Variants in VEZT observed in about 807,000 individuals in gnomAD.
VEZT encodes the protein vezatin.
VEZT carries 39 observed loss-of-function variants against 79.9 expected under a neutral mutation model. The ratio of observed to expected loss-of-function variants is 0.49; its 90% CI spans 0.38 to 0.64. The LOEUF (loss-of-function observed/expected upper bound fraction) is 0.64. Among genes scored for constraint, VEZT ranks in the 30% least tolerant of loss-of-function variants. The pLI is 0.00. For missense variants in VEZT, 837 were observed against 893.1 expected, an observed-to-expected ratio of 0.94 and a Z score of 0.80; for synonymous variants, 325 against 327.6, an observed-to-expected ratio of 0.99 and a Z score of 0.09.
intron 6 of VEZT, among the ~76,000 whole-genome samples, chr12:95,272,985 G>A (rs2066928081): frequency 6.6e-6 from 1 of 152,080 alleles, no homozygotes; most frequent in East Asian, 1.9e-4. Flanking sequence ...TGGGCTCAAG[G>A]GATCCCACAT....
At chr12:95,244,773 G>GGT (rs1232083763) in intron 1 of VEZT, among the ~76,000 whole-genome samples, 1 of 137,870 alleles carries the variant, frequency 7.3e-6, no homozygotes, top group Admixed American at 7.0e-5. Flanking sequence ...AATTTTTTTT[G>GGT]GTGTGTTTTT....
rs577217710 is a variant in VEZT, at chr12:95,300,012, A to G, written c.1832-153A>G. The G allele has an allele frequency of 3.2e-5, 15 of 468,076 alleles. 1 individual carries two copies. The South Asian group carries it at 8.6e-4, about 27-fold the overall frequency. 29.0% of individuals were successfully genotyped at this position (468,076 alleles called of 1,614,324 possible). On this transcript the variant is annotated intron_variant, in intron 11 of 11. Transcript: ENST00000436874. ...CTCTCTTATAAAGTTTCCTGGATTT[A>G]TAAATTTTCATTGATTTTACTAGAA...
intron 1 of VEZT, among the ~76,000 whole-genome samples, chr12:95,239,844 C>T (rs945910962): frequency 2.0e-5 from 3 of 151,848 alleles, no homozygotes; most frequent in Admixed American, 1.3e-4. Context: ...CCCAGCTACT[C>T]GGGAAGCTGA....
chr12:95,218,304 C>G (rs1565941770), intron 1 of VEZT: 1 of 155,512 alleles, frequency 6.4e-6, no homozygotes, highest in African/African-American at 2.4e-5. Context: ...CTTCAGGTCA[C>G]TGTTCACCGT....
At chr12:95,295,243 C>T (rs1287616127) in intron 10 of VEZT, among the ~76,000 whole-genome samples, 1 of 152,180 alleles carries the variant, frequency 6.6e-6, no homozygotes, top group Non-Finnish European at 1.5e-5. Flanking sequence ...TCACTGCAAC[C>T]TCTGTTGCCC....
At chr12:95,279,025 G>A (rs1317414973) in intron 7 of VEZT, among the ~76,000 whole-genome samples, 6 of 152,232 alleles carry the variant, frequency 3.9e-5, no homozygotes, top group Admixed American at 6.5e-5. Flanking sequence ...AGCCAAGATC[G>A]TGCCATTGCA....
chr12:95,268,755 C>T (rs1405151179), intron 5 of VEZT, among the ~76,000 whole-genome samples: 1 of 152,136 alleles, frequency 6.6e-6, no homozygotes, highest in East Asian at 1.9e-4. Context: ...ATTGTGCTTC[C>T]TTTGTCTCTA....
Position 95,270,188 on chromosome 12 carries a change from A to T in VEZT, c.848A>T (p.Asn283Ile). The T allele has an allele frequency of 1.3e-6, 2 of 1,597,610 alleles. No homozygotes were observed. Among genetic ancestry groups the T allele is most frequent in the Non-Finnish European group, 1.7e-6 (2 of 1,172,716 alleles). Residue 283 changes from asparagine (N) to isoleucine (I), a missense_variant and splice_region_variant, in exon 6 of 12, where the codon AAC becomes ATC. By Grantham distance (149) the Asn-to-Ile change is moderately radical (BLOSUM62 -3). Transcript: ENST00000436874. ...CTAGCTACCCTATATATGCTGAAAA[A>T]ATATCCTTTTCTGTTTATATATGAA... Reference protein sequence around the residue: ...ARLATLYMLKNYPLNSESDNV... With the variant: ...ARLATLYMLKIYPLNSESDNV...
intron 1 of VEZT, among the ~76,000 whole-genome samples, chr12:95,232,217 A>G (rs532317260): frequency 7.2e-5 from 11 of 152,354 alleles, no homozygotes; most frequent in Admixed American, 3.3e-4. Context: ...TTTCAGGCAG[A>G]TATTTTCCCA....
At chr12:95,265,537 G>A (rs867800280) in intron 4 of VEZT, among the ~76,000 whole-genome samples, 2 of 150,226 alleles carry the variant, frequency 1.3e-5, no homozygotes, top group African/African-American at 2.5e-5. Flanking sequence ...CTATAAAATC[G>A]GATTTTAAAA....
chr12:95,299,002 A>C (rs940172958), intron 11 of VEZT: 3 of 154,768 alleles, frequency 1.9e-5, no homozygotes, highest in Non-Finnish European at 4.4e-5. Context: ...TTAGTTTGTG[A>C]AAATAAGTAA....
At chr12:95,257,461 C>T (rs188394640) in intron 3 of VEZT, among the ~76,000 whole-genome samples, 2 of 152,252 alleles carry the variant, frequency 1.3e-5, no homozygotes, top group East Asian at 1.9e-4. Flanking sequence ...GTTATTGAAA[C>T]GTTATTTGTT....
intron 1 of VEZT, chr12:95,244,082 C>CTTT: frequency 3.7e-6 from 1 of 272,292 alleles, no homozygotes; most frequent in Non-Finnish European, 7.4e-6. Flanking sequence ...ACTAAAAACT[C>CTTT]TTTTTTTTTT....
chr12:95,270,974 A>G (rs565875272), intron 6 of VEZT, among the ~76,000 whole-genome samples: 11 of 152,338 alleles, frequency 7.2e-5, no homozygotes, highest in African/African-American at 2.4e-4. Flanking sequence ...TGTAGCACTG[A>G]TAAATATAAT....
chr12:95,255,326 C>G (rs2063295940), intron 2 of VEZT, among the ~76,000 whole-genome samples: 1 of 152,214 alleles, frequency 6.6e-6, no homozygotes, highest in South Asian at 2.1e-4. Context: ...TCAAGTGATA[C>G]ATCAAGTCAG....
Position 95,282,488 on chromosome 12 carries a change from A to T in VEZT, c.1172A>T (p.Glu391Val). 1 of 1,613,976 alleles carries T rather than the reference A, an allele frequency of 6.2e-7. No individual in the cohort carries two copies. Among genetic ancestry groups the T allele is most frequent in the Non-Finnish European group, 8.5e-7 (1 of 1,179,880 alleles). The change falls in exon 8 of 12, where the codon GAG (glutamate) becomes GTG (valine). Residue 391 changes from glutamate to valine, a missense_variant. Physicochemically the swap from Glu to Val is moderately radical, Grantham distance 121. Coordinates refer to ENST00000436874, the MANE Select transcript of VEZT (RefSeq NM_017599.4). ...LPHAHSACLE[E>V]LKRSYEFYRY... The stretch of plus-strand genomic sequence containing the variant: ...CATGCTCATTCTGCCTGTTTGGAAG[A>T]GCTTAAGCGCAGCTATGAGTTCTAT...
intron 7 of VEZT, 44 bp downstream of exon 7, chr12:95,274,933 C>T: frequency 6.3e-7 from 1 of 1,595,062 alleles, no homozygotes; most frequent in Non-Finnish European, 8.5e-7. Context: ...AAAATAGATG[C>T]ACTTGGATTG....
rs184144136 is a variant in VEZT, at chr12:95,231,164, C to G, written c.36+13278C>G. ...AGCGGAAAATATTAGAAGCCTGCAG[C>G]CAGACAAACTTCTTAATATATGTGT... is the stretch of plus-strand genomic sequence containing the variant. On this transcript the variant is annotated intron_variant, in intron 1 of 11. Coordinates refer to ENST00000436874, the MANE Select transcript of VEZT (RefSeq NM_017599.4). 1.7e-3 allele frequency among the ~76,000 whole-genome samples: 266 copies of G among 152,236 alleles called. 1 individual carries two copies. The highest frequency in any genetic ancestry group is 3.2e-3 in the Admixed American group (49 of 15,282).
chr12:95,286,895 T>TGC, intron 8 of VEZT: 1 of 224,082 alleles, frequency 4.5e-6, no homozygotes, highest in Non-Finnish European at 8.7e-6. Flanking sequence ...CTCTGGGTCA[T>TGC]GGGTCTGTGG....
Sources: gnomAD v4.1 joint callset for allele counts (sites outside exome capture counted in the v4.1 genomes callset) on GRCh38, gnomAD v4.1.1 for gene constraint, MANE v1.5 for transcripts, NCBI Gene and HGNC (gene_info 2026-07-23, HGNC 2026-07-21) for gene names.